Variants in ADHFE1 observed in about 807,000 individuals in gnomAD.
ADHFE1 encodes the protein alcohol dehydrogenase iron containing 1.
A neutral mutation model predicts 54.8 loss-of-function variants in ADHFE1; 37 were observed. The ratio of observed to expected loss-of-function variants is 0.68; its 90% CI spans 0.52 to 0.89. The LOEUF (loss-of-function observed/expected upper bound fraction) is 0.89, where lower values mean the gene tolerates loss of function less well. Among genes scored for constraint, ADHFE1 ranks in the 40% least tolerant of loss-of-function variants. The pLI is 0.00. For synonymous variants in ADHFE1, 203 were observed against 229.3 expected (o/e 0.89, Z 1.04); for missense variants, 601 against 591.2 (o/e 1.02, Z -0.17).
chr8:66,453,379 A>G (rs1395547872), intron 9 of ADHFE1, among the ~76,000 whole-genome samples: 1 of 152,236 alleles, frequency 6.6e-6, no homozygotes, highest in Non-Finnish European at 1.5e-5. Flanking sequence ...CAAAATTGCA[A>G]AAAAGCCCAC....
chr8:66,449,878 G>A (rs965441206), intron 8 of ADHFE1, among the ~76,000 whole-genome samples: 4 of 152,206 alleles, frequency 2.6e-5, no homozygotes, highest in Non-Finnish European at 5.9e-5. Context: ...CAGCACTTTG[G>A]GAGGCCAAGG....
Position 66,445,290 on chromosome 8 carries a change from C to T in ADHFE1, c.426C>T (p.Thr142=). Reference sequence around the variant, plus strand: ...ATGTTGCTGTCGGTGGTGGCTCTACCATGGACACCTGTAAGGCTGCTAATC... The same window carrying T: ...ATGTTGCTGTCGGTGGTGGCTCTACTATGGACACCTGTAAGGCTGCTAATC... ...DAYVAVGGGS[T]MDTCKAANLY... is the part of the protein sequence containing the mutation. Residue 142 remains threonine (T), a synonymous_variant, in exon 6 of 14, where the codon ACC becomes ACT. Transcript: ENST00000396623. The T allele has an allele frequency of 6.2e-7, 1 of 1,613,948 alleles. No homozygotes were observed.
chr8:66,461,319 T>C (rs1374342316), intron 13 of ADHFE1, among the ~76,000 whole-genome samples: 4 of 152,172 alleles, frequency 2.6e-5, no homozygotes, highest in Admixed American at 1.3e-4. Context: ...GATAAGGATC[T>C]TCTGCCACAG....
chr8:66,459,854 G>A (rs1331219927), intron 12 of ADHFE1: 1 of 153,566 alleles, frequency 6.5e-6, no homozygotes, highest in African/African-American at 2.4e-5. Flanking sequence ...TTGTACTTCT[G>A]TAAGCTTGTC....
intron 13 of ADHFE1, 84 bp downstream of exon 13, chr8:66,460,549 G>T: frequency 6.7e-7 from 1 of 1,484,860 alleles, no homozygotes; most frequent in Non-Finnish European, 9.0e-7. Flanking sequence ...CGGGCTAGCA[G>T]GGATGGAAAC....
intron 13 of ADHFE1, among the ~76,000 whole-genome samples, chr8:66,464,955 A>G (rs1347699506): frequency 1.3e-5 from 2 of 152,240 alleles, no homozygotes; most frequent in Non-Finnish European, 2.9e-5. Flanking sequence ...CATGTAAGTG[A>G]AATCATACAA....
chr8:66,438,496 G>A (rs1805576755), intron 1 of ADHFE1, among the ~76,000 whole-genome samples: 1 of 152,172 alleles, frequency 6.6e-6, no homozygotes, highest in African/African-American at 2.4e-5. Flanking sequence ...GCCCAAAAAG[G>A]TGTGGCCACG....
Position 66,445,989 on chromosome 8 carries a change from C to T in ADHFE1, c.550+575C>T, listed in dbSNP as rs1048184148. 6.6e-5 allele frequency among the ~76,000 whole-genome samples: 10 copies of T among 152,316 alleles called. No individual in the cohort carries two copies. The East Asian group carries it at 1.9e-3, about 29-fold the overall frequency. On this transcript the variant is annotated intron_variant, in intron 6 of 13. Transcript: ENST00000396623. ...ACAGGGGACCTTGAGATTTTCTAGT[C>T]TTTTCTTCTCTGCCATTTTTATGGA... is the stretch of plus-strand genomic sequence containing the variant.
intron 10 of ADHFE1, among the ~76,000 whole-genome samples, chr8:66,454,439 A>C (rs188148730): frequency 6.6e-6 from 1 of 152,040 alleles, no homozygotes; most frequent in African/African-American, 2.4e-5. Flanking sequence ...ACCATCAGCT[A>C]TAAAGTAGAA....
chr8:66,443,680 T>A (rs1805883576), intron 3 of ADHFE1, among the ~76,000 whole-genome samples: 1 of 152,118 alleles, frequency 6.6e-6, no homozygotes. Flanking sequence ...ACAGGCCCCA[T>A]CTAAGGTGTG....
chr8:66,443,691 A>T (rs1805884488), intron 3 of ADHFE1, among the ~76,000 whole-genome samples: 1 of 151,976 alleles, frequency 6.6e-6, no homozygotes, highest in Non-Finnish European at 1.5e-5. Context: ...CTAAGGTGTG[A>T]CTCCACTCAA....
chr8:66,444,553 G>T, intron 4 of ADHFE1, 41 bp from the exon 5 acceptor site: 2 of 1,612,782 alleles, frequency 1.2e-6, no homozygotes, highest in Non-Finnish European at 1.7e-6. Context: ...GTCTATTGCA[G>T]TTCTAGTGGA....
chr8:66,444,734 A>G lies in ADHFE1; in HGVS notation c.339A>G (p.Glu113=). 1 of 1,614,076 alleles carries G rather than the reference A, an allele frequency of 6.2e-7. No individual in the cohort carries two copies. The highest frequency in any genetic ancestry group is 1.1e-5 in the South Asian group (1 of 91,018). ...PFTVYDNVRV[E]PTDSSFMEAI... ...CGGTTTATGATAATGTGAGAGTGGA[A>G]CCAACGGATTCAAGGTATTCTTGTA... Residue 113 remains glutamate, a synonymous_variant, in exon 5 of 14, where the codon GAA becomes GAG. Transcript: ENST00000396623.
At chr8:66,442,146 A>G (rs534374268) in intron 2 of ADHFE1, among the ~76,000 whole-genome samples, 1 of 152,222 alleles carries the variant, frequency 6.6e-6, no homozygotes, top group East Asian at 1.9e-4. Context: ...TAATTCATGA[A>G]CTTACTAATA....
chr8:66,458,049 C>T lies in ADHFE1; in HGVS notation c.1162+883C>T, dbSNP rs191272301. ...ATAAATAATGTCAATAATAAGATATCCACAGTACCTTTTGAATCTTACCAG... is the reference window on the plus strand; with the variant it reads ...ATAAATAATGTCAATAATAAGATATTCACAGTACCTTTTGAATCTTACCAG... On this transcript the variant is annotated intron_variant, in intron 12 of 13. Coordinates refer to ENST00000396623, the MANE Select transcript of ADHFE1 (RefSeq NM_144650.3). Among the ~76,000 whole-genome samples, 539 of 152,178 alleles carry T rather than the reference C, an allele frequency of 3.5e-3. 3 individuals are homozygous for T. The highest frequency in any genetic ancestry group is 0.013 in the African/African-American group (521 of 41,494).
At chr8:66,448,090 T>A (rs1222909985) in intron 7 of ADHFE1, among the ~76,000 whole-genome samples, 1 of 152,328 alleles carries the variant, frequency 6.6e-6, no homozygotes, top group African/African-American at 2.4e-5. Flanking sequence ...AGGTAACCTC[T>A]GTTCTGCTTT....
intron 2 of ADHFE1, among the ~76,000 whole-genome samples, chr8:66,441,140 A>G (rs771523251): frequency 1.3e-5 from 2 of 152,208 alleles, no homozygotes; most frequent in Admixed American, 6.5e-5. Context: ...TTAATTTCCT[A>G]TTTGAGGGAA....
intron 8 of ADHFE1, among the ~76,000 whole-genome samples, chr8:66,450,665 T>A (rs887571578): frequency 2.0e-5 from 3 of 152,240 alleles, no homozygotes; most frequent in African/African-American, 7.2e-5. Context: ...TTCTGTGAGC[T>A]TAGCTCAGTG....
At position 66,450,687 on chromosome 8, in the gene ADHFE1, G is replaced by A. The variant is rs1806255067; in HGVS notation, c.735-1266G>A. Among the ~76,000 whole-genome samples the A allele has an allele frequency of 3.3e-5, 5 of 152,358 alleles. No individual in the cohort carries two copies. In the South Asian group the frequency reaches 1.0e-3, roughly 32 times the overall value. On this transcript the variant is annotated intron_variant, in intron 8 of 13. Transcript: ENST00000396623. ...AGCTTAGCTCAGTGAGTCCACCCCT[G>A]AGAAACAAATCTGCACTTGGATCTG...
Sources: gnomAD v4.1 joint callset for allele counts (sites outside exome capture counted in the v4.1 genomes callset) on GRCh38, gnomAD v4.1.1 for gene constraint, MANE v1.5 for transcripts, NCBI Gene and HGNC (gene_info 2026-07-23, HGNC 2026-07-21) for gene names.